ZBTB20: variants seen among roughly 807,000 people sequenced by gnomAD.
ZBTB20 encodes zinc finger and BTB domain-containing protein 20.
In ZBTB20, 9 loss-of-function variants were observed where a neutral mutation model predicts 56.9. The ratio of observed to expected loss-of-function variants is 0.16; its 90% confidence interval spans 0.10 to 0.28. The LOEUF (loss-of-function observed/expected upper bound fraction) is 0.28. Among genes scored for constraint, ZBTB20 ranks in the 10% least tolerant of loss-of-function variants. The pLI, the probability that ZBTB20 is intolerant of heterozygous loss-of-function variation, is 1.00. For missense variants in ZBTB20, 655 were observed against 1,003.0 expected (o/e 0.65, Z 4.69); for synonymous variants, 417 against 420.7 (o/e 0.99, Z 0.11).
intron 7 of ZBTB20, among the ~76,000 whole-genome samples, chr3:114,455,606 C>A (rs1470771278): frequency 6.6e-6 from 1 of 152,002 alleles, no homozygotes. Flanking sequence ...GAATCTAGAT[C>A]TTGGAGGGAG....
intron 10 of ZBTB20, among the ~76,000 whole-genome samples, chr3:114,368,246 C>T (rs568748060): frequency 4.6e-5 from 7 of 152,252 alleles, no homozygotes; most frequent in African/African-American, 1.4e-4. Context: ...ACATAAAATG[C>T]ATTCATAGGC....
At chr3:114,853,294 C>G (rs1157287219) in intron 4 of ZBTB20, among the ~76,000 whole-genome samples, 3 of 152,200 alleles carry the variant, frequency 2.0e-5, no homozygotes, top group African/African-American at 4.8e-5. Context: ...TTTGGATGTT[C>G]TACCTGCTGC....
intron 2 of ZBTB20, among the ~76,000 whole-genome samples, chr3:115,047,235 A>G (rs903346076): frequency 2.6e-5 from 4 of 152,210 alleles, no homozygotes; most frequent in African/African-American, 4.8e-5. Flanking sequence ...CTTTAGTAAT[A>G]AAAGTCATCT....
intron 8 of ZBTB20, among the ~76,000 whole-genome samples, chr3:114,383,042 A>G (rs1269020425): frequency 6.6e-6 from 1 of 152,214 alleles, no homozygotes; most frequent in Non-Finnish European, 1.5e-5. Flanking sequence ...ATTAAAGTGT[A>G]TTTTAAGAAC....
At chr3:114,854,698 G>T (rs1258533384) in intron 4 of ZBTB20, among the ~76,000 whole-genome samples, 1 of 152,098 alleles carries the variant, frequency 6.6e-6, no homozygotes, top group East Asian at 1.9e-4. Context: ...ACCCTGCAGG[G>T]CTATCTAATA....
intron 7 of ZBTB20, among the ~76,000 whole-genome samples, chr3:114,409,134 T>A (rs2087667221): frequency 9.1e-6 from 1 of 109,452 alleles, no homozygotes; most frequent in Non-Finnish European, 2.1e-5. Context: ...ACTTTTTTTT[T>A]TTTTTTTTTT....
intron 6 of ZBTB20, among the ~76,000 whole-genome samples, chr3:114,638,096 C>G (rs2059371974): frequency 6.6e-6 from 1 of 152,034 alleles, no homozygotes; most frequent in African/African-American, 2.4e-5. Flanking sequence ...AGTGTATTCT[C>G]TAATTTGCTT....
At chr3:114,355,716 T>C (rs78613701) in intron 10 of ZBTB20, among the ~76,000 whole-genome samples, 1,791 of 152,264 alleles carry the variant, frequency 0.012, 39 homozygotes, top group African/African-American at 0.04. Flanking sequence ...TTGTCCCCCA[T>C]TGAAAACAAA....
chr3:114,542,642 T>C (rs2049257115), intron 6 of ZBTB20, among the ~76,000 whole-genome samples: 1 of 152,148 alleles, frequency 6.6e-6, no homozygotes. Context: ...AAATTTGTTT[T>C]TTTCCTTTCA....
At chr3:114,679,652 G>A (rs986165888) in intron 6 of ZBTB20, among the ~76,000 whole-genome samples, 6 of 152,136 alleles carry the variant, frequency 3.9e-5, no homozygotes, top group Non-Finnish European at 7.4e-5. Context: ...TGGAAAGGAT[G>A]GGGAGAAATA....
intron 1 of ZBTB20, among the ~76,000 whole-genome samples, chr3:115,129,076 G>A (rs1029429461): frequency 2.6e-5 from 4 of 152,004 alleles, no homozygotes; most frequent in South Asian, 2.1e-4. Flanking sequence ...TCCAGCCTGG[G>A]CGACAAAGCG....
At chr3:115,002,621 A>C (rs530654119) in intron 2 of ZBTB20, among the ~76,000 whole-genome samples, 2 of 151,776 alleles carry the variant, frequency 1.3e-5, no homozygotes, top group Non-Finnish European at 3.0e-5. Flanking sequence ...GAGAATTGCA[A>C]ATTAAAACAA....
At chr3:114,981,080 G>GA (rs941200459) in intron 2 of ZBTB20, among the ~76,000 whole-genome samples, 2 of 151,488 alleles carry the variant, frequency 1.3e-5, no homozygotes, top group South Asian at 2.1e-4. Context: ...CTGGGACGAT[G>GA]AAAAAAAACC....
intron 7 of ZBTB20, among the ~76,000 whole-genome samples, chr3:114,476,974 G>T (rs1440050390): frequency 6.6e-6 from 1 of 152,128 alleles, no homozygotes; most frequent in African/African-American, 2.4e-5. Flanking sequence ...TGAAAAATGG[G>T]TATAATGGTA....
chr3:114,547,044 G>A (rs2049977332), intron 6 of ZBTB20, among the ~76,000 whole-genome samples: 1 of 152,168 alleles, frequency 6.6e-6, no homozygotes, highest in Admixed American at 6.6e-5. Context: ...GAACCAGTTT[G>A]TAAAGATTAC....
chr3:114,631,035 G>C (rs1473382306), intron 6 of ZBTB20, among the ~76,000 whole-genome samples: 2 of 152,056 alleles, frequency 1.3e-5, no homozygotes, highest in Non-Finnish European at 2.9e-5. Flanking sequence ...ACCTATAATA[G>C]AATATTTTAA....
chr3:114,504,886 G>A (rs947275276), intron 6 of ZBTB20, among the ~76,000 whole-genome samples: 12 of 152,132 alleles, frequency 7.9e-5, no homozygotes, highest in South Asian at 2.1e-4. Context: ...AGATCATACC[G>A]CTGCTGGCGT....
rs550354613 is a variant in ZBTB20 at position 114,637,935 on chromosome 3, T to C, written c.-295+55593A>G. Among the ~76,000 whole-genome samples, 4 of 152,190 alleles carry C rather than the reference T, an allele frequency of 2.6e-5. No individual in the cohort carries two copies. The East Asian group carries it at 7.7e-4, about 29-fold the overall frequency. On this transcript the variant is annotated intron_variant, in intron 6 of 11. Transcript: ENST00000675478. ...TTTTTATAGCCCACACTGTTTCCTT[T>C]TCCCCCCACTATTACAGTGGAAGTG...
intron 10 of ZBTB20, among the ~76,000 whole-genome samples, chr3:114,378,575 A>G (rs1230252674): frequency 6.6e-6 from 1 of 152,234 alleles, no homozygotes; most frequent in Non-Finnish European, 1.5e-5. Context: ...TCTATTCACA[A>G]AACATTCATT....
Sources: gnomAD v4.1 joint callset for allele counts (sites outside exome capture counted in the v4.1 genomes callset) on GRCh38, gnomAD v4.1.1 for gene constraint, MANE v1.5 for transcripts, NCBI Gene and HGNC (gene_info 2026-07-23, HGNC 2026-07-21) for gene names.